The following TAS2R1 variants were observed in gnomAD, a reference collection of about 807,000 sequenced individuals.
TAS2R1 encodes taste receptor type 2 member 1.
For missense variants in TAS2R1, 370 were observed against 353.4 expected (o/e 1.05, Z -0.38); for synonymous variants, 141 against 134.2 (o/e 1.05, Z -0.35).
At chr5:9,635,593 G>A (rs1739948849) in intron 2 of TAS2R1, among the ~76,000 whole-genome samples, 1 of 150,354 alleles carries the variant, frequency 6.7e-6, no homozygotes, top group Admixed American at 6.6e-5. Flanking sequence ...TTTTTGTTGT[G>A]ATTTTTTTTT....
At chr5:9,890,444 T>C in the TAS2R1 span, among the ~76,000 whole-genome samples, 3 of 152,148 alleles carry the variant, frequency 2.0e-5, no homozygotes, top group African/African-American at 7.2e-5. Context: ...GTAGGTCCCC[T>C]ATCTGTTCTC....
chr5:9,649,012 A>G (rs1378509436), intron 2 of TAS2R1, among the ~76,000 whole-genome samples: 1 of 152,224 alleles, frequency 6.6e-6, no homozygotes, highest in Non-Finnish European at 1.5e-5. Context: ...TTGAAAGAGA[A>G]CTAGAAACAC....
At chr5:9,638,726 G>A (rs923133091) in intron 2 of TAS2R1, among the ~76,000 whole-genome samples, 6 of 152,148 alleles carry the variant, frequency 3.9e-5, no homozygotes, top group African/African-American at 4.8e-5. Flanking sequence ...GGGAAGGTAG[G>A]GAAATACCAT....
chr5:9,759,985 A>G, the TAS2R1 span, among the ~76,000 whole-genome samples: 1 of 152,226 alleles, frequency 6.6e-6, no homozygotes, highest in Non-Finnish European at 1.5e-5. Context: ...AATGAGAGAC[A>G]AGACACAAAT....
chr5:9,891,438 T>C, the TAS2R1 span, among the ~76,000 whole-genome samples: 1 of 152,240 alleles, frequency 6.6e-6, no homozygotes, highest in Non-Finnish European at 1.5e-5. Context: ...ATTCCTAACA[T>C]GGTAAGTATC....
At chr5:9,833,970 A>C in the TAS2R1 span, among the ~76,000 whole-genome samples, 1 of 152,230 alleles carries the variant, frequency 6.6e-6, no homozygotes, top group Admixed American at 6.5e-5. Flanking sequence ...AAAGCAGAAC[A>C]GCTGACATTG....
chr5:9,812,145 C>T, the TAS2R1 span, among the ~76,000 whole-genome samples: 2 of 151,934 alleles, frequency 1.3e-5, no homozygotes, highest in African/African-American at 4.8e-5. Flanking sequence ...TGTCCTTCAC[C>T]CCCCTGCCCC....
At chr5:9,855,381 T>A in the TAS2R1 span, among the ~76,000 whole-genome samples, 1 of 152,138 alleles carries the variant, frequency 6.6e-6, no homozygotes, top group African/African-American at 2.4e-5. Context: ...AGGAAATAAG[T>A]TTAAAGAGTT....
the TAS2R1 span, among the ~76,000 whole-genome samples, chr5:9,881,427 T>C: frequency 1.3e-5 from 2 of 152,014 alleles, no homozygotes; most frequent in Non-Finnish European, 2.9e-5. Context: ...AAAATGGCCA[T>C]AGTGCCCAAG....
intron 1 of TAS2R1, among the ~76,000 whole-genome samples, chr5:9,662,404 C>G (rs1579772984): frequency 6.6e-6 from 1 of 152,190 alleles, no homozygotes; most frequent in Non-Finnish European, 1.5e-5. Context: ...CCACGCAGAG[C>G]ATGCTGTGCT....
the TAS2R1 span, among the ~76,000 whole-genome samples, chr5:9,742,908 A>G: frequency 1.3e-5 from 2 of 152,214 alleles, no homozygotes; most frequent in African/African-American, 2.4e-5. Flanking sequence ...CCAAAAAAAA[A>G]GACATCAGTC....
chr5:9,728,885 G>A, the TAS2R1 span, among the ~76,000 whole-genome samples: 1 of 152,146 alleles, frequency 6.6e-6, no homozygotes, highest in African/African-American at 2.4e-5. Flanking sequence ...ACTGAGGCCC[G>A]GCGCAGTTAG....
chr5:9,713,975 A>G (rs1304470686), upstream of TAS2R1: 1 of 152,198 alleles, frequency 6.6e-6, no homozygotes, highest in Non-Finnish European at 1.5e-5. Flanking sequence ...TCTTCATGTC[A>G]TTATATAAAT....
At chr5:9,638,242 A>G (rs1397863863) in intron 2 of TAS2R1, among the ~76,000 whole-genome samples, 2 of 152,016 alleles carry the variant, frequency 1.3e-5, no homozygotes, top group East Asian at 1.9e-4. Context: ...CTGGGCTGAT[A>G]TCAGGGGATG....
chr5:9,688,061 G>T (rs371964211), intron 1 of TAS2R1, among the ~76,000 whole-genome samples: 1 of 152,266 alleles, frequency 6.6e-6, no homozygotes, highest in Non-Finnish European at 1.5e-5. Context: ...TTCCTTGATG[G>T]ACAGCAAAAA....
the TAS2R1 span, among the ~76,000 whole-genome samples, chr5:9,891,949 TC>T: frequency 6.6e-6 from 1 of 152,110 alleles, no homozygotes; most frequent in Non-Finnish European, 1.5e-5. Context: ...ACCTCTAGCT[TC>T]CCCAGGACCC....
the TAS2R1 span, among the ~76,000 whole-genome samples, chr5:9,881,011 C>T: frequency 8.2e-4 from 125 of 152,236 alleles, 1 homozygote; most frequent in South Asian, 4.4e-3. Flanking sequence ...GAGCCACAGT[C>T]TCCGTGGATC....
the TAS2R1 span, among the ~76,000 whole-genome samples, chr5:9,740,586 C>T: frequency 6.6e-6 from 1 of 152,188 alleles, no homozygotes; most frequent in Non-Finnish European, 1.5e-5. Flanking sequence ...TTGTGATGTC[C>T]ATTAAAATCT....
chr5:9,717,411 G>A, the TAS2R1 span, among the ~76,000 whole-genome samples: 31 of 152,102 alleles, frequency 2.0e-4, no homozygotes, highest in African/African-American at 5.8e-4. Context: ...TGGAGGTCTC[G>A]GTGTTATCAA....
Sources: allele counts gnomAD v4.1 joint callset (sites outside exome capture counted in the v4.1 genomes callset), GRCh38; gene constraint gnomAD v4.1.1; transcripts MANE v1.5; gene names NCBI Gene and HGNC (gene_info 2026-07-23, HGNC 2026-07-21).